Variants in HYDIN observed in about 807,000 individuals in gnomAD.
The protein encoded by HYDIN is HYDIN axonemal central pair apparatus protein, also known as axonemal central pair apparatus protein HYDIN.
A neutral mutation model predicts 403.9 loss-of-function variants in HYDIN; 132 were observed. The observed-to-expected ratio is 0.33, with a 90% CI of 0.28 to 0.38. The LOEUF (loss-of-function observed/expected upper bound fraction) is 0.38. Among genes scored for constraint, HYDIN ranks in the 10% least tolerant of loss-of-function variants. The pLI is 1.00. For synonymous variants in HYDIN, 1,202 were observed against 1,891.7 expected, an observed-to-expected ratio of 0.64 and a Z score of 9.46; for missense variants, 2,827 against 5,009.5, an observed-to-expected ratio of 0.56 and a Z score of 13.15.
intron 1 of HYDIN, among the ~76,000 whole-genome samples, chr16:71,213,913 A>C (rs544489233): frequency 6.6e-6 from 1 of 152,230 alleles, no homozygotes; most frequent in East Asian, 1.9e-4. Flanking sequence ...TCACCATTCC[A>C]ATCAACAGAA....
intron 62 of HYDIN, among the ~76,000 whole-genome samples, chr16:70,875,858 A>G (rs1157789229): frequency 6.6e-6 from 1 of 152,214 alleles, no homozygotes; most frequent in Non-Finnish European, 1.5e-5. Flanking sequence ...AATTGTTAAG[A>G]AAAATGGCAA....
At chr16:71,176,123 GT>G (rs200752267) in intron 4 of HYDIN, among the ~76,000 whole-genome samples, 16,303 of 151,888 alleles carry the variant, frequency 0.11, 3,007 homozygotes, top group African/African-American at 0.37. Context: ...GACTAATACA[GT>G]GAAACCTCAT....
At chr16:70,904,967 A>T (rs1195457027) in intron 50 of HYDIN, among the ~76,000 whole-genome samples, 1 of 152,120 alleles carries the variant, frequency 6.6e-6, no homozygotes, top group Non-Finnish European at 1.5e-5. Context: ...AGATCTGCAG[A>T]GTTGAGCACT....
chr16:71,157,058 T>A (rs556983175), intron 6 of HYDIN, among the ~76,000 whole-genome samples: 1 of 141,716 alleles, frequency 7.1e-6, no homozygotes, highest in Admixed American at 7.2e-5. Flanking sequence ...TGGTTAGGCA[T>A]CTTATAAACA....
intron 40 of HYDIN, among the ~76,000 whole-genome samples, chr16:70,954,468 A>AGAAAAG (rs33979737): frequency 3.2e-3 from 474 of 148,338 alleles, no homozygotes; most frequent in African/African-American, 0.01. Flanking sequence ...AAAAAAAAAA[A>AGAAAAG]AAAGAAAGAA....
chr16:71,175,540 A>C, intron 5 of HYDIN, 67 bp downstream of exon 5: 1 of 1,533,354 alleles, frequency 6.5e-7, no homozygotes, highest in Non-Finnish European at 9.0e-7. Context: ...CCGCCTCTGT[A>C]AATATTCAGA....
chr16:70,910,492 A>T (rs1224598870), intron 47 of HYDIN, among the ~76,000 whole-genome samples: 1 of 152,228 alleles, frequency 6.6e-6, no homozygotes. Flanking sequence ...ACTGATGGGC[A>T]TTTGGGATGG....
At chr16:71,185,729 T>C (rs1567424228) in intron 2 of HYDIN, among the ~76,000 whole-genome samples, 4 of 152,188 alleles carry the variant, frequency 2.6e-5, no homozygotes, top group Non-Finnish European at 1.5e-5. Flanking sequence ...AGAACCAATG[T>C]TATTGTGGTT....
At chr16:71,161,811 C>T (rs1380648248) in intron 6 of HYDIN, among the ~76,000 whole-genome samples, 1 of 151,140 alleles carries the variant, frequency 6.6e-6, no homozygotes, top group East Asian at 1.9e-4. Flanking sequence ...ATGGACATGT[C>T]TGGAGAGCCA....
intron 67 of HYDIN, chr16:70,865,125 T>C (rs1360510193): frequency 4.1e-6 from 1 of 241,964 alleles, no homozygotes; most frequent in African/African-American, 2.3e-5. Context: ...TACATTTTTG[T>C]CCTTGTATGT....
intron 1 of HYDIN, among the ~76,000 whole-genome samples, chr16:71,198,922 T>A (rs1598010989): frequency 6.6e-6 from 1 of 152,248 alleles, no homozygotes; most frequent in African/African-American, 2.4e-5. Flanking sequence ...TTTTCCAAAG[T>A]GGTTGTACCT....
At chr16:71,021,165 A>T (rs1202448166) in intron 21 of HYDIN, among the ~76,000 whole-genome samples, 2 of 151,516 alleles carry the variant, frequency 1.3e-5, no homozygotes, top group African/African-American at 4.8e-5. Flanking sequence ...TAATACCAGG[A>T]TAGTTGATTT....
chr16:71,137,932 T>TAC (rs371606318), intron 7 of HYDIN, among the ~76,000 whole-genome samples: 13,454 of 148,652 alleles, frequency 0.091, 1,898 homozygotes, highest in African/African-American at 0.31. Context: ...CACACACACA[T>TAC]ACACACACAC....
intron 38 of HYDIN, among the ~76,000 whole-genome samples, chr16:70,961,183 G>A (rs1293078285): frequency 1.3e-5 from 2 of 152,274 alleles, no homozygotes; most frequent in East Asian, 3.9e-4. Context: ...GCAGAGTCAG[G>A]GTGTATGGGG....
intron 31 of HYDIN, 30 bp downstream of exon 31, chr16:70,975,106 A>C: frequency 2.2e-6 from 1 of 450,714 alleles, no homozygotes; most frequent in Non-Finnish European, 3.9e-6. Flanking sequence ...CAAGCACAGC[A>C]CAGAAAGGCA....
chr16:71,027,405 T>C, intron 20 of HYDIN, 197 bp downstream of exon 20: 4 of 1,461,050 alleles, frequency 2.7e-6, no homozygotes, highest in Non-Finnish European at 1.8e-6. Context: ...TCACAGTAGC[T>C]ACAGAAACAA....
At position 70,974,552 on chromosome 16, in the gene HYDIN, G is replaced by A. The variant is rs1230514361; in HGVS notation, c.4891C>T (p.Arg1631Cys). 1.7e-5 allele frequency: 28 copies of A among 1,607,558 alleles called. No individual in the cohort carries two copies. The highest frequency in any genetic ancestry group is 8.5e-5 in the Admixed American group (5 of 58,956). ...HFPVSFHADKRVLHETGFSTE... is the reference protein window; with the variant it reads ...HFPVSFHADKCVLHETGFSTE... ...TGGGTACCTGTCTCATGAAGGACAC[G>A]CTTGTCTGCATGGAATGACACTGGA... Residue 1631 changes from arginine to cysteine, a missense_variant, in exon 32 of 86, where the codon CGT (arginine) becomes TGT (cysteine). Physicochemically the swap from Arg to Cys is radical, Grantham distance 180. Transcript: ENST00000393567.
At chr16:70,903,146 T>C (rs1366844329) in intron 52 of HYDIN, among the ~76,000 whole-genome samples, 1 of 133,886 alleles carries the variant, frequency 7.5e-6, no homozygotes, top group Non-Finnish European at 1.6e-5. Context: ...ACACGTATCA[T>C]AACAATATTC....
intron 23 of HYDIN, among the ~76,000 whole-genome samples, chr16:71,017,540 G>T (rs1003707237): frequency 6.6e-6 from 1 of 151,786 alleles, no homozygotes; most frequent in African/African-American, 2.4e-5. Flanking sequence ...TTCTCAGGCA[G>T]TTCTTTATAA....
Sources: allele counts gnomAD v4.1 joint callset (sites outside exome capture counted in the v4.1 genomes callset), GRCh38; gene constraint gnomAD v4.1.1; transcripts MANE v1.5; gene names NCBI Gene and HGNC (gene_info 2026-07-23, HGNC 2026-07-21).